GMEB1: variants seen among roughly 807,000 people sequenced by gnomAD.
The protein encoded by GMEB1 is glucocorticoid modulatory element binding protein 1.
Under a neutral mutation model 52.4 loss-of-function variants are expected in GMEB1, and 6 were observed. That is an observed-to-expected ratio of 0.11 (90% CI 0.06 to 0.23). The LOEUF is 0.23. Ranked by LOEUF, GMEB1 falls within the 10% of genes least tolerant of loss-of-function variation. GMEB1 has a pLI of 1.00. For missense variants in GMEB1, 486 were observed against 685.6 expected, an observed-to-expected ratio of 0.71 and a Z score of 3.25; for synonymous variants, 255 against 244.9, an observed-to-expected ratio of 1.04 and a Z score of -0.38.
chr1:28,688,894 T>TTTTTCTTTC (rs1553136708), intron 2 of GMEB1, among the ~76,000 whole-genome samples: 1 of 95,554 alleles, frequency 1.0e-5, no homozygotes, highest in African/African-American at 4.0e-5. Flanking sequence ...CATTTAAAGT[T>TTTTTCTTTC]TTTTTTTTCT....
At chr1:28,706,572 C>A (rs1429179202) in intron 8 of GMEB1, among the ~76,000 whole-genome samples, 1 of 145,508 alleles carries the variant, frequency 6.9e-6, no homozygotes, top group Admixed American at 6.9e-5. Context: ...CCATTGCGCT[C>A]CAGCCTGGGT....
rs914328293 is a variant in GMEB1, at chr1:28,714,213, A to C, written c.1132A>C (p.Thr378Pro). ...GCCCCGGCTCCAGCGGCCAGCCTCC[A>C]CCACTGTCTTGAGCCCTTCTCCTCC... ...KRPRLQRPAS[T>P]TVLSPSPPVQ... Residue 378 changes from threonine to proline, a missense_variant, in exon 10 of 10, where the codon ACC becomes CCC. Physicochemically the swap from Thr to Pro is conservative, Grantham distance 38. Around this residue, in one of 5 missense-constraint regions of GMEB1, gnomAD observed 200 missense variants for 253.5 expected, o/e 0.79. Coordinates refer to ENST00000373816, the MANE Select transcript of GMEB1 (RefSeq NM_001319674.2). The C allele has an allele frequency of 3.1e-6, 5 of 1,614,022 alleles. No homozygotes were observed. The African/African-American group carries it at 6.7e-5, about 22-fold the overall frequency.
intron 1 of GMEB1, among the ~76,000 whole-genome samples, chr1:28,675,760 A>G (rs1409923027): frequency 6.6e-6 from 1 of 152,122 alleles, no homozygotes; most frequent in African/African-American, 2.4e-5. Flanking sequence ...GTATGATTTC[A>G]CAATGCATAC....
intron 8 of GMEB1, among the ~76,000 whole-genome samples, chr1:28,710,254 C>T (rs544479767): frequency 2.0e-5 from 3 of 152,304 alleles, no homozygotes; most frequent in African/African-American, 7.2e-5. Context: ...ATGCTCCCGC[C>T]TTGGCCTCCC....
chr1:28,678,222 G>A (rs563060149), intron 1 of GMEB1, among the ~76,000 whole-genome samples: 1 of 151,860 alleles, frequency 6.6e-6, no homozygotes, highest in South Asian at 2.1e-4. Context: ...AAGAAAGGAA[G>A]AAGCTCCCCT....
chr1:28,684,217 A>G (rs1342645591), intron 2 of GMEB1, among the ~76,000 whole-genome samples: 1 of 151,822 alleles, frequency 6.6e-6, no homozygotes, highest in Non-Finnish European at 1.5e-5. Context: ...AACATATTTT[A>G]TTTAACCCAA....
chr1:28,709,133 C>CAA lies in GMEB1; in HGVS notation c.869-1372_869-1371dup, dbSNP rs33947165. On this transcript the variant is annotated intron_variant, in intron 8 of 9. Transcript: ENST00000373816. ...TGGGCGACAGAGCAAGACTCCATCT[C>CAA]AAAAAAAAAAAAAAAATACAAAAAT... Among the ~76,000 whole-genome samples, 646 of 120,582 alleles carry CAA rather than the reference C, an allele frequency of 5.4e-3. 6 individuals are homozygous for CAA. Among genetic ancestry groups the CAA allele is most frequent in the African/African-American group, 0.013 (408 of 31,570 alleles). 79.1% of individuals were successfully genotyped at this position (120,582 alleles called of 152,430 possible). A position where few individuals can be genotyped will look rare whatever the true frequency, so the allele number is the denominator to read the frequency against.
intron 2 of GMEB1, among the ~76,000 whole-genome samples, chr1:28,686,342 A>G (rs1001430887): frequency 6.6e-6 from 1 of 152,008 alleles, no homozygotes; most frequent in African/African-American, 2.4e-5. Context: ...CCGTGTGTCA[A>G]AAAAACAAAA....
chr1:28,682,888 T>C (rs1669458479), intron 1 of GMEB1, among the ~76,000 whole-genome samples: 1 of 152,124 alleles, frequency 6.6e-6, no homozygotes, highest in Non-Finnish European at 1.5e-5. Context: ...AACAAAATAC[T>C]CTGATTTGTA....
chr1:28,673,252 T>G (rs1393660472), intron 1 of GMEB1, among the ~76,000 whole-genome samples: 1 of 150,948 alleles, frequency 6.6e-6, no homozygotes, highest in Non-Finnish European at 1.5e-5. Context: ...ATGTGACACT[T>G]GTCCATTTTT....
Position 28,697,496 on chromosome 1 carries a change from C to T in GMEB1, c.598+412C>T, listed in dbSNP as rs189605101. The stretch of plus-strand genomic sequence containing the variant: ...GTGCTGGGATTACAGGCATGAGCCA[C>T]CATGCCTGTCCCCTTGCATATTCTT... On this transcript the variant is annotated intron_variant, in intron 6 of 9. Coordinates refer to ENST00000373816, the MANE Select transcript of GMEB1 (RefSeq NM_001319674.2). 3.7e-3 allele frequency among the ~76,000 whole-genome samples: 557 copies of T among 152,172 alleles called. 6 individuals are homozygous for T. Among genetic ancestry groups the T allele is most frequent in the African/African-American group, 0.013 (533 of 41,554 alleles).
At chr1:28,680,872 C>A (rs558018343) in intron 1 of GMEB1, among the ~76,000 whole-genome samples, 2 of 151,942 alleles carry the variant, frequency 1.3e-5, no homozygotes, top group African/African-American at 4.8e-5. Context: ...GGAGAAACCC[C>A]ATCTCTACTA....
chr1:28,691,752 G>A, intron 4 of GMEB1, 43 bp downstream of exon 4: 1 of 1,265,480 alleles, frequency 7.9e-7, no homozygotes, highest in Non-Finnish European at 1.1e-6. Flanking sequence ...GGGACTCCTT[G>A]TTCTCAAAGG....
intron 8 of GMEB1, 52 bp from the exon 9 acceptor site, chr1:28,710,468 T>C (rs760436748): frequency 2.8e-6 from 4 of 1,447,704 alleles, no homozygotes; most frequent in South Asian, 3.0e-5. Flanking sequence ...CAATGGAGAG[T>C]GGTGGAACAT....
chr1:28,685,096 A>T (rs1432716979), intron 2 of GMEB1, among the ~76,000 whole-genome samples: 1 of 152,200 alleles, frequency 6.6e-6, no homozygotes, highest in African/African-American at 2.4e-5. Flanking sequence ...CAAGGCAACG[A>T]CCATAAATTC....
intron 9 of GMEB1, 53 bp downstream of exon 9, chr1:28,710,695 T>TTGTCC: frequency 1.5e-6 from 2 of 1,296,628 alleles, no homozygotes; most frequent in Non-Finnish European, 2.0e-6. Context: ...TATTCTTGTC[T>TTGTCC]TCCCATTTTC....
intron 9 of GMEB1, among the ~76,000 whole-genome samples, chr1:28,712,949 G>A (rs1671127869): frequency 6.6e-6 from 1 of 151,232 alleles, no homozygotes; most frequent in Non-Finnish European, 1.5e-5. Context: ...TCAGGAGATC[G>A]AGACCATCCT....
At chr1:28,680,351 T>C (rs1669338702) in intron 1 of GMEB1, among the ~76,000 whole-genome samples, 1 of 152,208 alleles carries the variant, frequency 6.6e-6, no homozygotes, top group South Asian at 2.1e-4. Context: ...ATAAGCAGTT[T>C]TGTAGATAAA....
rs74361166 is a variant in GMEB1, at chr1:28,707,661, A to C, written c.869-2859A>C. 3.3e-3 allele frequency among the ~76,000 whole-genome samples: 504 copies of C among 152,246 alleles called. 3 individuals are homozygous for C. The highest frequency in any genetic ancestry group is 0.012 in the African/African-American group (487 of 41,550). On this transcript the variant is annotated intron_variant, in intron 8 of 9. Coordinates refer to ENST00000373816, the MANE Select transcript of GMEB1 (RefSeq NM_001319674.2). The stretch of plus-strand genomic sequence containing the variant: ...AGAGGAACAGTTTTAGAGAGGAAAT[A>C]AAAATTAGTTTTACCTCTTAAATTG...
Sources: allele counts gnomAD v4.1 joint callset (sites outside exome capture counted in the v4.1 genomes callset), GRCh38; gene constraint gnomAD v4.1.1; regional missense constraint gnomAD v4.1.1; transcripts MANE v1.5; gene names NCBI Gene and HGNC (gene_info 2026-07-23, HGNC 2026-07-21).